The following MBD5 variants were observed in gnomAD, a reference collection of about 807,000 sequenced individuals.
MBD5 encodes methyl-CpG-binding domain protein 5.
Under a neutral mutation model 117.3 loss-of-function variants are expected in MBD5, and 13 were observed. The ratio of observed to expected loss-of-function variants is 0.11; its 90% CI spans 0.07 to 0.18. The LOEUF (loss-of-function observed/expected upper bound fraction) is 0.18, where lower values mean the gene tolerates loss of function less well. Ranked by LOEUF, MBD5 falls within the 10% of genes least tolerant of loss-of-function variation. The probability of loss-of-function intolerance (pLI) is 1.00; values close to 1 mark genes in which losing one functional copy is unlikely to be tolerated. For missense variants in MBD5, 1,879 were observed against 2,093.8 expected, an observed-to-expected ratio of 0.90 and a Z score of 2.00; for synonymous variants, 727 against 766.4, an observed-to-expected ratio of 0.95 and a Z score of 0.85.
At chr2:148,180,415 T>G (rs1050770138) in intron 2 of MBD5, among the ~76,000 whole-genome samples, 5 of 149,794 alleles carry the variant, frequency 3.3e-5, no homozygotes, top group African/African-American at 1.2e-4. Context: ...TTGCTCAGAC[T>G]AGATTTGAGC....
intron 3 of MBD5, among the ~76,000 whole-genome samples, chr2:148,315,193 G>C (rs1702132649): frequency 6.6e-6 from 1 of 152,106 alleles, no homozygotes; most frequent in South Asian, 2.1e-4. Context: ...GCATCCTGCT[G>C]CTACATTAGT....
chr2:148,104,543 G>C (rs1030161176), intron 1 of MBD5, among the ~76,000 whole-genome samples: 1 of 152,120 alleles, frequency 6.6e-6, no homozygotes. Context: ...AACTTTGTCA[G>C]TAATGTTTTA....
chr2:148,368,360 G>T (rs79271140), intron 4 of MBD5, among the ~76,000 whole-genome samples: 2 of 152,006 alleles, frequency 1.3e-5, no homozygotes, highest in East Asian at 3.9e-4. Context: ...AGCATTAGGA[G>T]AAATACCTAA....
At chr2:148,386,591 C>T (rs1294902519) in intron 4 of MBD5, among the ~76,000 whole-genome samples, 1 of 149,644 alleles carries the variant, frequency 6.7e-6, no homozygotes, top group East Asian at 2.0e-4. Context: ...TAGTGGCGGG[C>T]GCCTGTAGTC....
chr2:148,263,499 T>C (rs1048856837), intron 3 of MBD5, among the ~76,000 whole-genome samples: 3 of 152,148 alleles, frequency 2.0e-5, no homozygotes, highest in Admixed American at 2.0e-4. Context: ...TGCTGTTTTA[T>C]ATATTGGGAA....
intron 4 of MBD5, among the ~76,000 whole-genome samples, chr2:148,389,251 C>CATATATATATAT (rs70995314): frequency 2.5e-4 from 8 of 32,394 alleles, no homozygotes; most frequent in South Asian, 1.1e-3. Context: ...GAAAAAAAAA[C>CATATATATATAT]ATATATATAT....
intron 3 of MBD5, among the ~76,000 whole-genome samples, chr2:148,272,449 T>G (rs559318025): frequency 2.0e-5 from 3 of 152,326 alleles, no homozygotes; most frequent in South Asian, 2.1e-4. Flanking sequence ...TACTTATTTT[T>G]TTTGTTTGTT....
intron 1 of MBD5, among the ~76,000 whole-genome samples, chr2:148,040,927 A>G (rs1288220118): frequency 1.3e-5 from 2 of 151,986 alleles, no homozygotes; most frequent in African/African-American, 2.4e-5. Context: ...GCACTGGTAG[A>G]TGTTATCTAC....
At chr2:148,441,019 ACTT>A (rs1169894276) in intron 4 of MBD5, among the ~76,000 whole-genome samples, 5 of 152,078 alleles carry the variant, frequency 3.3e-5, no homozygotes, top group Admixed American at 1.3e-4. Context: ...ACATGTGAGG[ACTT>A]CTTCTTTTAT....
chr2:148,477,578 TTA>T (rs1409701641), intron 8 of MBD5, among the ~76,000 whole-genome samples: 1 of 152,164 alleles, frequency 6.6e-6, no homozygotes, highest in Non-Finnish European at 1.5e-5. Flanking sequence ...CTCATAAAAG[TTA>T]TCTTTCAATT....
chr2:148,073,097 A>G (rs1445559473), intron 1 of MBD5, among the ~76,000 whole-genome samples: 1 of 150,808 alleles, frequency 6.6e-6, no homozygotes, highest in Non-Finnish European at 1.5e-5. Flanking sequence ...GTTTTTTTGT[A>G]CTGATTTAAT....
chr2:148,120,864 A>G (rs1012930815), intron 1 of MBD5, among the ~76,000 whole-genome samples: 16 of 152,242 alleles, frequency 1.1e-4, no homozygotes, highest in African/African-American at 3.9e-4. Flanking sequence ...GAGAGAAAGC[A>G]TGTAGTGCCT....
intron 11 of MBD5, among the ~76,000 whole-genome samples, chr2:148,498,657 G>T (rs908645774): frequency 1.3e-5 from 2 of 152,136 alleles, no homozygotes; most frequent in Admixed American, 6.5e-5. Context: ...CTTCAAATAT[G>T]TATTATACCT....
At chr2:148,275,588 G>C (rs751772424) in intron 3 of MBD5, among the ~76,000 whole-genome samples, 23 of 152,104 alleles carry the variant, frequency 1.5e-4, no homozygotes, top group Non-Finnish European at 3.2e-4. Context: ...TCAAATGATT[G>C]GATGAGGCTC....
intron 2 of MBD5, among the ~76,000 whole-genome samples, chr2:148,197,514 A>AC (rs1412892559): frequency 6.6e-6 from 1 of 152,208 alleles, no homozygotes; most frequent in Non-Finnish European, 1.5e-5. Flanking sequence ...TCAGTGTGCT[A>AC]ATGTGTGTAA....
chr2:148,270,445 G>C (rs1010466147), intron 3 of MBD5, among the ~76,000 whole-genome samples: 1 of 148,706 alleles, frequency 6.7e-6, no homozygotes, highest in Non-Finnish European at 1.5e-5. Context: ...CTGGAGTGCA[G>C]TGTCAACATC....
intron 4 of MBD5, among the ~76,000 whole-genome samples, chr2:148,446,307 G>C (rs1044954162): frequency 1.3e-5 from 2 of 152,014 alleles, no homozygotes; most frequent in African/African-American, 2.4e-5. Flanking sequence ...ATTAATTTTT[G>C]TATGAGGTGT....
intron 1 of MBD5, among the ~76,000 whole-genome samples, chr2:148,072,247 T>G (rs912466686): frequency 1.3e-5 from 2 of 152,200 alleles, no homozygotes; most frequent in African/African-American, 4.8e-5. Flanking sequence ...CACAAACTTA[T>G]GTAGTTACCT....
chr2:148,315,492 C>T (rs1004886990), intron 3 of MBD5, among the ~76,000 whole-genome samples: 4 of 152,130 alleles, frequency 2.6e-5, no homozygotes, highest in African/African-American at 4.8e-5. Context: ...ATTGAAGAGT[C>T]GGGAAGATGC....
Sources: allele counts gnomAD v4.1 joint callset (sites outside exome capture counted in the v4.1 genomes callset), GRCh38; gene constraint gnomAD v4.1.1; transcripts MANE v1.5; gene names NCBI Gene and HGNC (gene_info 2026-07-23, HGNC 2026-07-21).